Variants in VIPR2 observed in about 807,000 individuals in gnomAD.
VIPR2 encodes vasoactive intestinal polypeptide receptor 2.
A neutral mutation model predicts 58.0 loss-of-function variants in VIPR2; 48 were observed. The observed-to-expected ratio is 0.83, with a 90% CI of 0.66 to 1.05. The LOEUF is 1.05. Ranked by LOEUF, VIPR2 falls within the 50% of genes least tolerant of loss-of-function variation. The pLI, the probability that VIPR2 is intolerant of heterozygous loss-of-function variation, is 0.00. For missense variants in VIPR2, 534 were observed against 558.0 expected, an observed-to-expected ratio of 0.96 and a Z score of 0.43; for synonymous variants, 243 against 235.2, an observed-to-expected ratio of 1.03 and a Z score of -0.30.
At position 159,128,895 on chromosome 7, in the gene VIPR2, T is replaced by C. The variant is rs1343178785; in HGVS notation, c.151+13551A>G. On this transcript the variant is annotated intron_variant, in intron 2 of 12. Transcript: ENST00000262178. This position sits in a 1 kb window ranked among gnomAD's most constrained non-coding sequence, Gnocchi z 4.1. ...GCTGAGCTCAGTCCTGACACAGGCT[T>C]CTTCCATCTGCTGCACACCAAAGCC... Among the ~76,000 whole-genome samples, 1 of 152,168 alleles carries C rather than the reference T, an allele frequency of 6.6e-6. No homozygotes were observed. The highest frequency in any genetic ancestry group is 2.4e-5 in the African/African-American group (1 of 41,438).
chr7:159,055,159 C>A (rs1855235743), intron 5 of VIPR2, among the ~76,000 whole-genome samples: 1 of 152,178 alleles, frequency 6.6e-6, no homozygotes, highest in Non-Finnish European at 1.5e-5. Flanking sequence ...TAACTCCATG[C>A]AACATGGATG....
intron 4 of VIPR2, among the ~76,000 whole-genome samples, chr7:159,062,744 T>C (rs1297623823): frequency 1.3e-5 from 2 of 152,168 alleles, no homozygotes; most frequent in East Asian, 3.9e-4. Flanking sequence ...GGAGACCCAG[T>C]GAATTGTCTC....
chr7:159,045,815 TAA>T (rs1854608842), intron 5 of VIPR2, among the ~76,000 whole-genome samples: 1 of 151,586 alleles, frequency 6.6e-6, no homozygotes, highest in Non-Finnish European at 1.5e-5. Flanking sequence ...AGGACATTAC[TAA>T]GAGAGTTCAA....
chr7:159,063,132 G>A (rs919665960), intron 4 of VIPR2, among the ~76,000 whole-genome samples: 12 of 152,210 alleles, frequency 7.9e-5, no homozygotes, highest in Admixed American at 5.2e-4. Flanking sequence ...CCAGTTTTGC[G>A]CTGCGTGCCC....
rs539189713 is a variant in VIPR2, at chr7:159,134,851, G to T, written c.151+7595C>A. ...TTTTTGTATATTTAGTAGAGACGGG[G>T]TCTCACCGTGTTAGCCAGGATGGTC... On this transcript the variant is annotated intron_variant, in intron 2 of 12. Transcript: ENST00000262178. 9.9e-5 allele frequency among the ~76,000 whole-genome samples: 15 copies of T among 151,860 alleles called. No homozygotes were observed. In the East Asian group the frequency reaches 2.9e-3, roughly 30 times the overall value.
Position 159,028,897 on chromosome 7 carries a change from C to T in VIPR2, c.*1719G>A, listed in dbSNP as rs1484383397. The T allele has an allele frequency of 6.5e-6, 1 of 152,844 alleles. No individual in the cohort carries two copies. The highest frequency in any genetic ancestry group is 1.9e-4 in the East Asian group (1 of 5,202). 9.5% of individuals were successfully genotyped at this position (152,844 alleles called of 1,614,324 possible). A position where few individuals can be genotyped will look rare whatever the true frequency, so the allele number is the denominator to read the frequency against. ...TCCCCAAACCAACCTCGGGTTCATT[C>T]TCCCAGAAGTCCAGGGATGAGCTTG... On this transcript the variant is annotated 3_prime_UTR_variant, in exon 13 of 13. Transcript: ENST00000262178.
At chr7:159,032,490 G>C (rs1853656398) in intron 10 of VIPR2, among the ~76,000 whole-genome samples, 1 of 152,192 alleles carries the variant, frequency 6.6e-6, no homozygotes, top group South Asian at 2.1e-4. Context: ...GATGAGAACC[G>C]ATCCTGCTCC....
intron 2 of VIPR2, among the ~76,000 whole-genome samples, chr7:159,135,902 G>A (rs889537988): frequency 1.3e-5 from 2 of 152,138 alleles, no homozygotes; most frequent in Non-Finnish European, 2.9e-5. Flanking sequence ...CTCATCCCAC[G>A]ACACGAGGCA....
rs574090309 is a variant in VIPR2 at position 159,098,566 on chromosome 7, C to T, written c.357+5191G>A. Among the ~76,000 whole-genome samples, 78 of 152,180 alleles carry T rather than the reference C, an allele frequency of 5.1e-4. No individual in the cohort carries two copies. Among genetic ancestry groups the T allele is most frequent in the African/African-American group, 1.8e-3 (74 of 41,512 alleles). ...CAAATAAAGGCCCAGACCATGGCCA[C>T]GGCTGGTGCGGCCCCTTGGGCTCCA... On this transcript the variant is annotated intron_variant, in intron 4 of 12. Transcript: ENST00000262178. The surrounding 1 kb of genome is among the most constrained non-coding windows in gnomAD (Gnocchi z 5.2).
intron 4 of VIPR2, among the ~76,000 whole-genome samples, chr7:159,071,765 C>A (rs1216707035): frequency 6.6e-6 from 1 of 152,264 alleles, no homozygotes; most frequent in Non-Finnish European, 1.5e-5. Context: ...GGGAACCCTG[C>A]AGCACCTGCT....
At chr7:159,115,582 A>T (rs534567684) in intron 2 of VIPR2, among the ~76,000 whole-genome samples, 73 of 152,336 alleles carry the variant, frequency 4.8e-4, no homozygotes, top group Middle Eastern at 3.4e-3. Flanking sequence ...CTGAAACAGG[A>T]CTTCAATCTG....
rs558295123 is a variant in VIPR2, at chr7:159,140,245, C to T, written c.151+2201G>A. On this transcript the variant is annotated intron_variant, in intron 2 of 12. Transcript: ENST00000262178. ...TGGATTTAAAAGTGGCTGTAACAGA[C>T]CCTCAGTATCTCATCTCACCTGGCG... is the stretch of plus-strand genomic sequence containing the variant. Among the ~76,000 whole-genome samples, 6 of 152,218 alleles carry T rather than the reference C, an allele frequency of 3.9e-5. No individual in the cohort carries two copies. The East Asian group carries it at 1.2e-3, about 29-fold the overall frequency.
At chr7:159,033,124 C>A (rs1853692257) in intron 10 of VIPR2, among the ~76,000 whole-genome samples, 1 of 152,216 alleles carries the variant, frequency 6.6e-6, no homozygotes, top group African/African-American at 2.4e-5. Flanking sequence ...CATTGATCCT[C>A]CTGACCTTAG....
At chr7:159,049,318 G>A (rs190472137) in intron 5 of VIPR2, among the ~76,000 whole-genome samples, 320 of 152,350 alleles carry the variant, frequency 2.1e-3, no homozygotes, top group African/African-American at 7.3e-3. Flanking sequence ...CTCAGGAAAG[G>A]ATCAGGGTGA....
Position 159,109,730 on chromosome 7 carries a change from T to C in VIPR2, c.259+82A>G. On this transcript the variant is annotated intron_variant, in intron 3 of 12. Transcript: ENST00000262178. ...AGGAGATGCCTGAAGGAAAGTGATGTTCCTGCTTCTTGGATGGAAAAAATG... is the reference window on the plus strand; with the variant it reads ...AGGAGATGCCTGAAGGAAAGTGATGCTCCTGCTTCTTGGATGGAAAAAATG... 8 of 1,311,624 alleles carry C rather than the reference T, an allele frequency of 6.1e-6. No homozygotes were observed. In the Admixed American group the frequency reaches 1.4e-4, roughly 22 times the overall value. 81.2% of individuals were successfully genotyped at this position (1,311,624 alleles called of 1,614,324 possible). A position where few individuals can be genotyped will look rare whatever the true frequency, so the allele number is the denominator to read the frequency against.
intron 4 of VIPR2, among the ~76,000 whole-genome samples, chr7:159,074,441 G>C (rs1489108656): frequency 6.6e-6 from 1 of 152,188 alleles, no homozygotes; most frequent in Non-Finnish European, 1.5e-5. Context: ...CAGTTTGTGA[G>C]GGTGGAGCCC....
intron 2 of VIPR2, among the ~76,000 whole-genome samples, chr7:159,119,824 G>T (rs1285251881): frequency 6.6e-6 from 1 of 151,380 alleles, no homozygotes; most frequent in African/African-American, 2.4e-5. Context: ...CACAAAGCCT[G>T]GTAGGTGGGG....
intron 1 of VIPR2, 198 bp downstream of exon 1, chr7:159,144,523 C>T (rs1036458377): frequency 1.3e-6 from 2 of 1,519,520 alleles, no homozygotes; most frequent in African/African-American, 2.8e-5. Context: ...AGTCCCGCAA[C>T]CCGGCGGGAC....
intron 5 of VIPR2, among the ~76,000 whole-genome samples, chr7:159,053,046 A>G (rs533313907): frequency 2.6e-5 from 4 of 152,212 alleles, no homozygotes; most frequent in Admixed American, 1.3e-4. Flanking sequence ...GAAAAATCCA[A>G]GTGAATTTAT....
Sources: allele counts gnomAD v4.1 joint callset (sites outside exome capture counted in the v4.1 genomes callset), GRCh38; gene constraint gnomAD v4.1.1; non-coding constraint Gnocchi (gnomAD v3.1); transcripts MANE v1.5; gene names NCBI Gene and HGNC (gene_info 2026-07-23, HGNC 2026-07-21).